The following DCUN1D3 variants were observed in gnomAD, a reference collection of about 807,000 sequenced individuals.
DCUN1D3 encodes DCN1-like protein 3.
Under a neutral mutation model 24.8 loss-of-function variants are expected in DCUN1D3, and 6 were observed. The observed-to-expected ratio is 0.24, with a 90% CI of 0.13 to 0.48. DCUN1D3 has a LOEUF of 0.48. Ranked by LOEUF, DCUN1D3 falls within the 20% of genes least tolerant of loss-of-function variation. DCUN1D3 has a pLI of 0.99. For synonymous variants in DCUN1D3, 120 were observed against 144.9 expected (o/e 0.83, Z 1.24); for missense variants, 258 against 379.4 (o/e 0.68, Z 2.66).
Position 20,856,637 on chromosome 16 carries a change from G to A in DCUN1D3, c.*3249C>T, listed in dbSNP as rs2081704069. On this transcript the variant is annotated 3_prime_UTR_variant, in exon 3 of 3. Coordinates refer to ENST00000324344, the MANE Select transcript of DCUN1D3 (RefSeq NM_173475.4). The stretch of plus-strand genomic sequence containing the variant: ...TCCTGGACCCAACTCACACAGGTGG[G>A]CAGCACTTCAGCTGCTGAGACAACC... The A allele has an allele frequency of 6.6e-6, 1 of 152,136 alleles. No homozygotes were observed. The highest frequency in any genetic ancestry group is 1.5e-5 in the Non-Finnish European group (1 of 68,020). The allele number at this position is 152,136 out of a possible 1,614,324, so 9.4% of individuals were successfully genotyped here.
Position 20,859,704 on chromosome 16 carries a change from C to G in DCUN1D3, c.*182G>C, listed in dbSNP as rs1849280837. 1.3e-6 allele frequency: 1 copy of G among 799,124 alleles called. No individual in the cohort carries two copies. 49.5% of individuals were successfully genotyped at this position (799,124 alleles called of 1,614,324 possible). On this transcript the variant is annotated 3_prime_UTR_variant, in exon 3 of 3. Transcript: ENST00000324344. ...CCAAAAAGGAAATAACCAAAATAAC[C>G]AAAAAAATGAAGAAAGTGCCTAAAA...
rs556634409 is a variant in DCUN1D3 at position 20,872,531 on chromosome 16, C to T, written c.-105-9888G>A. On this transcript the variant is annotated intron_variant, in intron 1 of 2. Transcript: ENST00000324344. ...ACCACATTTATCAGCTTTTTCCCCA[C>T]GATGGAGGTTGACTGCTAATGCATA... Among the ~76,000 whole-genome samples, 29 of 151,628 alleles carry T rather than the reference C, an allele frequency of 1.9e-4. No individual in the cohort carries two copies. The East Asian group carries it at 2.5e-3, about 13-fold the overall frequency.
chr16:20,883,324 A>C (rs2081853813), intron 1 of DCUN1D3, among the ~76,000 whole-genome samples: 2 of 152,148 alleles, frequency 1.3e-5, no homozygotes, highest in African/African-American at 4.8e-5. Context: ...CATCCTGGCT[A>C]ACACGGTGAA....
At chr16:20,871,506 C>A (rs2081788050) in intron 1 of DCUN1D3, among the ~76,000 whole-genome samples, 1 of 152,178 alleles carries the variant, frequency 6.6e-6, no homozygotes. Context: ...AAAGTGTTCT[C>A]AATGTCCCTC....
chr16:20,864,321 G>C (rs565057551), intron 1 of DCUN1D3, among the ~76,000 whole-genome samples: 1 of 152,202 alleles, frequency 6.6e-6, no homozygotes, highest in East Asian at 1.9e-4. Context: ...ATTAAAAAGT[G>C]GGCAAAGTAC....
chr16:20,893,187 T>C (rs952313410), intron 1 of DCUN1D3, among the ~76,000 whole-genome samples: 4 of 151,684 alleles, frequency 2.6e-5, no homozygotes, highest in Admixed American at 1.3e-4. Flanking sequence ...TTTTTTTTTT[T>C]AAATGAGACA....
At chr16:20,886,064 G>GAAAAA (rs34484157) in intron 1 of DCUN1D3, among the ~76,000 whole-genome samples, 2 of 136,518 alleles carry the variant, frequency 1.5e-5, no homozygotes, top group Admixed American at 7.3e-5. Flanking sequence ...TTTTTTCATT[G>GAAAAA]AAAAAAAAAA....
intron 1 of DCUN1D3, among the ~76,000 whole-genome samples, chr16:20,891,139 G>T (rs1228174965): frequency 6.6e-6 from 1 of 151,768 alleles, no homozygotes; most frequent in Non-Finnish European, 1.5e-5. Flanking sequence ...GATTACAGGC[G>T]CCTGCCACCA....
chr16:20,883,573 C>T (rs564570514), intron 1 of DCUN1D3, among the ~76,000 whole-genome samples: 1 of 152,224 alleles, frequency 6.6e-6, no homozygotes, highest in South Asian at 2.1e-4. Flanking sequence ...TTTGCTTAAG[C>T]TGGTTGTATC....
Position 20,860,259 on chromosome 16 carries a change from T to G in DCUN1D3, c.542A>C (p.Asp181Ala), listed in dbSNP as rs758460882. 4 of 1,614,214 alleles carry G rather than the reference T, an allele frequency of 2.5e-6. No individual in the cohort carries two copies. Among genetic ancestry groups the G allele is most frequent in the Non-Finnish European group, 3.4e-6 (4 of 1,180,036 alleles). Reference protein sequence around the residue: ...TEAKQEDKFKDLYRFTFQFGL... With the variant: ...TEAKQEDKFKALYRFTFQFGL... Reference sequence around the variant, plus strand: ...AAACTGAAATGTAAACCGGTAGAGATCCTTGAATTTATCCTCTTGTTTGGC... The same window carrying G: ...AAACTGAAATGTAAACCGGTAGAGAGCCTTGAATTTATCCTCTTGTTTGGC... Residue 181 changes from aspartate (D) to alanine (A), a missense_variant, in exon 3 of 3, where the codon GAT becomes GCT. Coordinates refer to ENST00000324344, the MANE Select transcript of DCUN1D3 (RefSeq NM_173475.4). The surrounding 1 kb of genome is among the most constrained non-coding windows in gnomAD (Gnocchi z 4.3).
At position 20,860,624 on chromosome 16, in the gene DCUN1D3, G is replaced by T. The variant is rs1283196342; in HGVS notation, c.432-255C>A. On this transcript the variant is annotated intron_variant, in intron 2 of 2. Transcript: ENST00000324344. This position sits in a 1 kb window ranked among gnomAD's most constrained non-coding sequence, Gnocchi z 4.3. ...TGGCACACGGTTGGCAGCTGATAAT[G>T]GTTCATTTATTCATTCATTCATCTT... 6.6e-6 allele frequency among the ~76,000 whole-genome samples: 1 copy of T among 152,072 alleles called. No individual in the cohort carries two copies.
intron 2 of DCUN1D3, 80 bp downstream of exon 2, chr16:20,862,028 A>G: frequency 6.7e-7 from 1 of 1,502,600 alleles, no homozygotes; most frequent in Non-Finnish European, 9.1e-7. Flanking sequence ...ACCCAGTCCT[A>G]TCCTAGCTGG....
Position 20,862,285 on chromosome 16 carries a change from T to C in DCUN1D3, c.254A>G (p.Glu85Gly). 1 of 1,614,222 alleles carries C rather than the reference T, an allele frequency of 6.2e-7. No individual in the cohort carries two copies. The highest frequency in any genetic ancestry group is 8.5e-7 in the Non-Finnish European group (1 of 1,180,042). ...TTCTTCCAATCTTTGCAAGGAAGAC[T>C]CCTCGGCATTGGACTTGGACTCCCT... The part of the protein sequence containing the change: ...AGRESKSNAE[E>G]SSLQRLEELF... Residue 85 changes from glutamate (E) to glycine (G), a missense_variant, in exon 2 of 3, where the codon GAG (glutamate) becomes GGG (glycine). Glu to Gly is a moderately conservative substitution (Grantham distance 98). Transcript: ENST00000324344.
intron 1 of DCUN1D3, among the ~76,000 whole-genome samples, chr16:20,887,484 C>G (rs2081872858): frequency 6.6e-6 from 1 of 152,162 alleles, no homozygotes; most frequent in Non-Finnish European, 1.5e-5. Context: ...AGTCCTAAAT[C>G]CTTTATGTCA....
At chr16:20,864,685 G>A (rs1013150526) in intron 1 of DCUN1D3, among the ~76,000 whole-genome samples, 5 of 152,148 alleles carry the variant, frequency 3.3e-5, no homozygotes, top group Non-Finnish European at 4.4e-5. Flanking sequence ...AAAGACACAC[G>A]CATGCGAATG....
At chr16:20,861,563 A>G (rs1355436532) in intron 2 of DCUN1D3, among the ~76,000 whole-genome samples, 1 of 152,194 alleles carries the variant, frequency 6.6e-6, no homozygotes, top group Non-Finnish European at 1.5e-5. Context: ...TGACATGTAA[A>G]GGAGTAAAAG....
intron 1 of DCUN1D3, among the ~76,000 whole-genome samples, chr16:20,865,612 A>C (rs1269006218): frequency 1.3e-5 from 2 of 152,220 alleles, no homozygotes; most frequent in African/African-American, 4.8e-5. Flanking sequence ...ACAGACACTA[A>C]ACAGAAGTCA....
chr16:20,900,123 T>G (rs1436841565), intron 1 of DCUN1D3, 81 bp downstream of exon 1: 2 of 90,014 alleles, frequency 2.2e-5, no homozygotes, highest in Non-Finnish European at 4.4e-5. Flanking sequence ...CCCCCCTTTC[T>G]CGAAGGTACC....
chr16:20,899,627 G>C (rs1003598714), intron 1 of DCUN1D3, among the ~76,000 whole-genome samples: 3 of 152,088 alleles, frequency 2.0e-5, no homozygotes, highest in Admixed American at 6.6e-5. Context: ...TGAGAAGTGC[G>C]GGGGGTGTGG....
Sources: allele counts gnomAD v4.1 joint callset (sites outside exome capture counted in the v4.1 genomes callset), GRCh38; gene constraint gnomAD v4.1.1; non-coding constraint Gnocchi (gnomAD v3.1); transcripts MANE v1.5; gene names NCBI Gene and HGNC (gene_info 2026-07-23, HGNC 2026-07-21).